GHR: variants seen among roughly 807,000 people sequenced by gnomAD.
GHR encodes the protein growth hormone receptor, also known as GH receptor.
A neutral mutation model predicts 67.1 loss-of-function variants in GHR; 35 were observed. The observed-to-expected ratio is 0.52, with a 90% CI of 0.40 to 0.69. GHR has a LOEUF of 0.69. Ranked by LOEUF, GHR falls within the 30% of genes least tolerant of loss-of-function variation. The pLI, the probability that GHR is intolerant of heterozygous loss-of-function variation, is 0.00. For synonymous variants in GHR, 272 were observed against 269.1 expected, an observed-to-expected ratio of 1.01 and a Z score of -0.10; for missense variants, 792 against 764.6, an observed-to-expected ratio of 1.04 and a Z score of -0.42.
intron 1 of GHR, among the ~76,000 whole-genome samples, chr5:42,430,607 C>CGT (rs141602161): frequency 0.23 from 33,412 of 147,334 alleles, 3,885 homozygotes; most frequent in Middle Eastern, 0.28. Flanking sequence ...ATGCTAGTCC[C>CGT]GTGTGTGTGT....
chr5:42,554,711 A>C (rs1043069540), intron 1 of GHR, among the ~76,000 whole-genome samples: 15 of 152,168 alleles, frequency 9.9e-5, no homozygotes, highest in Non-Finnish European at 2.1e-4. Context: ...GATGTATGTG[A>C]GTGTAAAAGG....
At chr5:42,638,887 A>G (rs1351735536) in intron 3 of GHR, among the ~76,000 whole-genome samples, 2 of 152,174 alleles carry the variant, frequency 1.3e-5, no homozygotes, top group African/African-American at 4.8e-5. Flanking sequence ...ATATAAAATT[A>G]TTATGGTTAT....
chr5:42,703,291 C>G (rs912065830), intron 6 of GHR, among the ~76,000 whole-genome samples: 7 of 151,942 alleles, frequency 4.6e-5, no homozygotes, highest in Middle Eastern at 3.2e-3. Flanking sequence ...CCAATTTTCC[C>G]AACAACATTT....
intron 3 of GHR, among the ~76,000 whole-genome samples, chr5:42,682,993 T>G (rs937674125): frequency 1.3e-5 from 2 of 150,636 alleles, no homozygotes; most frequent in East Asian, 1.9e-4. Flanking sequence ...TCCTCAAAGG[T>G]TTTTTTTATT....
chr5:42,474,257 C>CAGAAAGAAAGAAAGAGAA (rs1745146558), intron 1 of GHR, among the ~76,000 whole-genome samples: 1 of 87,940 alleles, frequency 1.1e-5, no homozygotes, highest in Non-Finnish European at 2.4e-5. Flanking sequence ...GAAAGACAGA[C>CAGAAAGAAAGAAAGAGAA]AGAAAGAAAG....
At chr5:42,616,803 A>C (rs1437057541) in intron 2 of GHR, among the ~76,000 whole-genome samples, 1 of 152,126 alleles carries the variant, frequency 6.6e-6, no homozygotes, top group African/African-American at 2.4e-5. Flanking sequence ...GCTAGAAGGG[A>C]CACCAAGTGG....
intron 2 of GHR, among the ~76,000 whole-genome samples, chr5:42,573,679 C>T (rs965130374): frequency 1.3e-5 from 2 of 152,128 alleles, no homozygotes; most frequent in African/African-American, 4.8e-5. Flanking sequence ...TACAAAAGAC[C>T]CTGACTAGGG....
At chr5:42,499,874 C>T (rs950082905) in intron 1 of GHR, among the ~76,000 whole-genome samples, 1 of 152,148 alleles carries the variant, frequency 6.6e-6, no homozygotes, top group Non-Finnish European at 1.5e-5. Flanking sequence ...CCTGTGGTGT[C>T]TTGGAAGGTC....
chr5:42,547,173 G>C (rs1339468474), intron 1 of GHR, among the ~76,000 whole-genome samples: 1 of 152,106 alleles, frequency 6.6e-6, no homozygotes, highest in East Asian at 1.9e-4. Flanking sequence ...CATCTTAAAG[G>C]GTTTGTATGT....
At chr5:42,695,920 A>C (rs768858903) in intron 5 of GHR, among the ~76,000 whole-genome samples, 1 of 152,212 alleles carries the variant, frequency 6.6e-6, no homozygotes, top group South Asian at 2.1e-4. Flanking sequence ...ACTGGAAGAC[A>C]TAGGAGTATG....
At chr5:42,468,384 A>G in intron 1 of GHR, 1 of 1,269,714 alleles carries the variant, frequency 7.9e-7, no homozygotes, top group East Asian at 2.4e-5. Flanking sequence ...GTCAAACCCC[A>G]TCTAAGCTTT....
chr5:42,455,129 A>G (rs114563874), intron 1 of GHR, among the ~76,000 whole-genome samples: 3 of 152,198 alleles, frequency 2.0e-5, no homozygotes, highest in East Asian at 3.9e-4. Context: ...AGCTCTAGGT[A>G]AGGTTAAATC....
intron 2 of GHR, among the ~76,000 whole-genome samples, chr5:42,610,423 A>G (rs371683180): frequency 2.0e-5 from 3 of 152,200 alleles, no homozygotes; most frequent in African/African-American, 7.2e-5. Context: ...GGGTCTCTCC[A>G]GCAGCCAGCT....
chr5:42,605,560 TCCA>T (rs1213547537), intron 2 of GHR, among the ~76,000 whole-genome samples: 3 of 152,182 alleles, frequency 2.0e-5, no homozygotes, highest in African/African-American at 7.2e-5. Context: ...AGATGAGTGG[TCCA>T]TCTTCCTCTC....
chr5:42,591,790 TTG>T (rs2112596177), intron 2 of GHR, among the ~76,000 whole-genome samples: 1 of 152,280 alleles, frequency 6.6e-6, no homozygotes, highest in Admixed American at 6.5e-5. Context: ...CAACATCTGT[TTG>T]TGTCTTAAAC....
chr5:42,700,192 T>C (rs1187097725), intron 6 of GHR, among the ~76,000 whole-genome samples, 190 bp downstream of exon 6: 1 of 152,194 alleles, frequency 6.6e-6, no homozygotes, highest in Non-Finnish European at 1.5e-5. Flanking sequence ...AGGAGATGCT[T>C]ATGTATATAT....
intron 2 of GHR, among the ~76,000 whole-genome samples, chr5:42,569,678 A>G (rs1750165114): frequency 6.6e-6 from 1 of 152,174 alleles, no homozygotes; most frequent in South Asian, 2.1e-4. Flanking sequence ...ATATTTACAT[A>G]CAACATATTT....
At chr5:42,684,760 C>A (rs963484783) in intron 3 of GHR, among the ~76,000 whole-genome samples, 1 of 152,056 alleles carries the variant, frequency 6.6e-6, no homozygotes, top group African/African-American at 2.4e-5. Context: ...TTTCTTACAA[C>A]AATATGACCG....
intron 2 of GHR, among the ~76,000 whole-genome samples, chr5:42,591,434 A>C (rs1251180819): frequency 3.3e-5 from 5 of 152,184 alleles, no homozygotes; most frequent in Non-Finnish European, 5.9e-5. Context: ...ACTGTTATTA[A>C]AAGTAAGCTA....
Sources: gnomAD v4.1 joint callset for allele counts (sites outside exome capture counted in the v4.1 genomes callset) on GRCh38, gnomAD v4.1.1 for gene constraint, MANE v1.5 for transcripts, NCBI Gene and HGNC (gene_info 2026-07-23, HGNC 2026-07-21) for gene names.